USP3: variants seen among roughly 807,000 people sequenced by gnomAD.
The protein encoded by USP3 is ubiquitin specific peptidase 3.
In USP3, 20 loss-of-function variants were observed where a neutral mutation model predicts 72.3. That is an observed-to-expected ratio of 0.28 (90% CI 0.19 to 0.40). The LOEUF (loss-of-function observed/expected upper bound fraction) is 0.40, where lower values mean the gene tolerates loss of function less well. Among genes scored for constraint, USP3 ranks in the 10% least tolerant of loss-of-function variants. The pLI, the probability that USP3 is intolerant of heterozygous loss-of-function variation, is 1.00. For synonymous variants in USP3, 222 were observed against 225.3 expected (o/e 0.99, Z 0.13); for missense variants, 479 against 633.9 (o/e 0.76, Z 2.62).
chr15:63,552,156 G>A (rs1196547358), intron 3 of USP3, among the ~76,000 whole-genome samples: 3 of 152,060 alleles, frequency 2.0e-5, no homozygotes, highest in Admixed American at 6.6e-5. Context: ...CTAGCATTTC[G>A]AGTTTTGGAC....
In USP3 at chr15:63,547,758, GA is replaced by G. The variant is rs2066358359; in HGVS notation, c.285-5956del. On this transcript the variant is annotated intron_variant, in intron 3 of 14. Transcript: ENST00000380324. The stretch of plus-strand genomic sequence containing the variant: ...AGAGAGAGAGAGGGAGGGAGGGAGG[GA>G]GGGAGAGAGAGAGAGAGAGAGAGAG... Among the ~76,000 whole-genome samples, 12 of 15,542 alleles carry G rather than the reference GA, an allele frequency of 7.7e-4. 2 individuals are homozygous for G. The highest frequency in any genetic ancestry group is 3.0e-3 in the African/African-American group (11 of 3,642). 10.2% of individuals were successfully genotyped at this position (15,542 alleles called of 152,430 possible). A position where few individuals can be genotyped will look rare whatever the true frequency, so the allele number is the denominator to read the frequency against.
chr15:63,545,726 T>G (rs117722239), intron 3 of USP3, among the ~76,000 whole-genome samples: 1 of 151,930 alleles, frequency 6.6e-6, no homozygotes, highest in Non-Finnish European at 1.5e-5. Flanking sequence ...TCCCAGCACA[T>G]TGGGAGGCTA....
chr15:63,575,453 A>G (rs1359119142), intron 11 of USP3, among the ~76,000 whole-genome samples: 1 of 152,198 alleles, frequency 6.6e-6, no homozygotes, highest in East Asian at 1.9e-4. Context: ...TAGAAGCAGC[A>G]GAGGTCTCAG....
intron 14 of USP3, among the ~76,000 whole-genome samples, chr15:63,590,338 A>C (rs972360094): frequency 6.6e-6 from 1 of 152,020 alleles, no homozygotes; most frequent in Admixed American, 6.6e-5. Flanking sequence ...CTTCTTTGTT[A>C]AGCTTAGTTT....
intron 1 of USP3, among the ~76,000 whole-genome samples, chr15:63,508,910 A>C (rs528993459): frequency 1.3e-5 from 2 of 152,312 alleles, no homozygotes; most frequent in East Asian, 3.9e-4. Flanking sequence ...TACTCTACCC[A>C]AGAAAAGTAA....
chr15:63,518,123 T>C (rs960688346), intron 1 of USP3, among the ~76,000 whole-genome samples: 2 of 152,246 alleles, frequency 1.3e-5, no homozygotes, highest in Admixed American at 1.3e-4. Context: ...AAATGGATCT[T>C]ATTAGTTACT....
chr15:63,526,975 G>A (rs1304412101), intron 1 of USP3, among the ~76,000 whole-genome samples: 1 of 152,204 alleles, frequency 6.6e-6, no homozygotes, highest in Non-Finnish European at 1.5e-5. Context: ...ACTCACTGCA[G>A]CCTTGACTTC....
At position 63,529,305 on chromosome 15, in the gene USP3, T is replaced by C. The variant is rs146902466; in HGVS notation, c.92-3342T>C. ...CTCTCCTTATCATTACGTATCTGTC[T>C]GTCTAATTGATGCACAATTCACATA... On this transcript the variant is annotated intron_variant, in intron 1 of 14. Transcript: ENST00000380324. The surrounding 1 kb of genome is among the most constrained non-coding windows in gnomAD (Gnocchi z 4.2). The C allele has an allele frequency of 1.7e-3, 611 of 363,730 alleles. 3 individuals carry two copies. In the East Asian group the frequency reaches 0.018, roughly 11 times the overall value. The allele number at this position is 363,730 out of a possible 1,614,324, so 22.5% of individuals were successfully genotyped here.
intron 5 of USP3, among the ~76,000 whole-genome samples, chr15:63,557,629 A>G (rs556730412): frequency 5.9e-5 from 9 of 152,328 alleles, no homozygotes; most frequent in Non-Finnish European, 1.3e-4. Flanking sequence ...GCCTGGCCTC[A>G]GGCAGCTTTT....
At chr15:63,525,969 G>A (rs2065975954) in intron 1 of USP3, among the ~76,000 whole-genome samples, 1 of 151,900 alleles carries the variant, frequency 6.6e-6, no homozygotes, top group Non-Finnish European at 1.5e-5. Flanking sequence ...CTATAATCTT[G>A]GATTTTGATT....
chr15:63,519,665 C>T (rs934747866), intron 1 of USP3, among the ~76,000 whole-genome samples: 1 of 152,150 alleles, frequency 6.6e-6, no homozygotes, highest in Non-Finnish European at 1.5e-5. Flanking sequence ...GTATATACCT[C>T]GTTTCTTACC....
rs34262657 is a variant in USP3 at position 63,557,088 on chromosome 15, T to G, written c.450+340T>G. On this transcript the variant is annotated intron_variant, in intron 5 of 14. Transcript: ENST00000380324. ...AGCTTCAGGCGGCTTTTCCTTTTTT[T>G]GAGATGGAGTCCCACTCCGTAGCCC... 0.052 allele frequency: 9,063 copies of G among 175,202 alleles called. 963 individuals carry two copies. The East Asian group carries it at 0.52, about 10-fold the overall frequency. The allele number at this position is 175,202 out of a possible 1,614,324, so 10.9% of individuals were successfully genotyped here. A position where few individuals can be genotyped will look rare whatever the true frequency, so the allele number is the denominator to read the frequency against.
chr15:63,555,848 A>C (rs916176703), intron 4 of USP3, among the ~76,000 whole-genome samples: 2 of 152,238 alleles, frequency 1.3e-5, no homozygotes, highest in African/African-American at 4.8e-5. Flanking sequence ...GACATAATTC[A>C]TGTGGAAATT....
intron 14 of USP3, chr15:63,589,243 G>C (rs193076259): frequency 1.8e-6 from 1 of 555,764 alleles, no homozygotes; most frequent in Non-Finnish European, 3.2e-6. Context: ...CAGTATTTAC[G>C]ACCCAGTCTT....
chr15:63,592,380 A>G lies in USP3; in HGVS notation c.*1554A>G, dbSNP rs1388241559. ...GGTTGGGGGCGGTGGGGGTTGGTAG[A>G]CATAGCCTACCAATTCTCCACAAGG... On this transcript the variant is annotated 3_prime_UTR_variant, in exon 15 of 15. Transcript: ENST00000380324. The G allele has an allele frequency of 1.3e-5, 2 of 149,796 alleles. No individual in the cohort carries two copies. The highest frequency in any genetic ancestry group is 3.0e-5 in the Non-Finnish European group (2 of 67,632). 9.3% of individuals were successfully genotyped at this position (149,796 alleles called of 1,614,324 possible).
chr15:63,546,069 A>G (rs1314785784), intron 3 of USP3, among the ~76,000 whole-genome samples: 1 of 151,148 alleles, frequency 6.6e-6, no homozygotes, highest in Non-Finnish European at 1.5e-5. Flanking sequence ...TAAATTTTAT[A>G]GCCTAAAACT....
chr15:63,521,103 T>TC (rs572978282), intron 1 of USP3, among the ~76,000 whole-genome samples: 4 of 151,154 alleles, frequency 2.6e-5, no homozygotes, highest in South Asian at 2.1e-4. Flanking sequence ...TTTCTTTTTT[T>TC]CCCTCACAAA....
intron 8 of USP3, among the ~76,000 whole-genome samples, chr15:63,567,643 G>C (rs187007714): frequency 6.6e-6 from 1 of 152,104 alleles, no homozygotes; most frequent in Admixed American, 6.5e-5. Flanking sequence ...ACCGTGCCTG[G>C]CCTAATTTTT....
chr15:63,504,892 C>G lies in USP3; in HGVS notation c.91+62C>G. ...GAGGCCGCGGCTCTGCCGGGCCTGCCGTCTAGGGGCCGCAGGCGGCCGGCG... is the reference window on the plus strand; with the variant it reads ...GAGGCCGCGGCTCTGCCGGGCCTGCGGTCTAGGGGCCGCAGGCGGCCGGCG... On this transcript the variant is annotated intron_variant, in intron 1 of 14. Transcript: ENST00000380324. 5 of 1,269,628 alleles carry G rather than the reference C, an allele frequency of 3.9e-6. 1 individual carries two copies. The South Asian group carries it at 9.7e-5, about 25-fold the overall frequency. 78.6% of individuals were successfully genotyped at this position (1,269,628 alleles called of 1,614,324 possible). A position where few individuals can be genotyped will look rare whatever the true frequency, so the allele number is the denominator to read the frequency against.
Sources: gnomAD v4.1 joint callset for allele counts (sites outside exome capture counted in the v4.1 genomes callset) on GRCh38, gnomAD v4.1.1 for gene constraint, Gnocchi (gnomAD v3.1) non-coding constraint, MANE v1.5 for transcripts, NCBI Gene and HGNC (gene_info 2026-07-23, HGNC 2026-07-21) for gene names.